ALDH2: variants seen among roughly 807,000 people sequenced by gnomAD.
The protein encoded by ALDH2 is aldehyde dehydrogenase 2 family member, also known as aldehyde dehydrogenase, mitochondrial.
In ALDH2, 44 loss-of-function variants were observed where a neutral mutation model predicts 59.6. The observed-to-expected ratio is 0.74, with a 90% confidence interval of 0.58 to 0.95. The LOEUF (loss-of-function observed/expected upper bound fraction) is 0.95, where lower values mean the gene tolerates loss of function less well. ALDH2 is among the 40% of genes least tolerant of loss of function. The pLI is 0.00. For missense variants in ALDH2, 570 were observed against 696.3 expected (o/e 0.82, Z 2.04); for synonymous variants, 291 against 284.0 (o/e 1.02, Z -0.25).
rs202215192 is a variant in ALDH2, at chr12:111,790,606, A to T, written c.681+44A>T. On this transcript the variant is annotated intron_variant, in intron 6 of 12. Transcript: ENST00000261733. ...TCTTAACCTCTAAATGCCCTTGTTGAGGCTTGTTCTAAAGGAGTTCTGAGA... is the reference window on the plus strand; with the variant it reads ...TCTTAACCTCTAAATGCCCTTGTTGTGGCTTGTTCTAAAGGAGTTCTGAGA... 2.0e-5 allele frequency: 32 copies of T among 1,613,556 alleles called. No homozygotes were observed. In the South Asian group the frequency reaches 3.3e-4, roughly 17 times the overall value.
intron 1 of ALDH2, among the ~76,000 whole-genome samples, chr12:111,781,399 G>A (rs1048350081): frequency 6.6e-6 from 1 of 152,202 alleles, no homozygotes; most frequent in Admixed American, 6.5e-5. Flanking sequence ...CAGCTGCCAT[G>A]TGGGAAGTCG....
rs1365317428 is a variant in ALDH2, at chr12:111,790,537, T to C, written c.656T>C (p.Leu219Pro). The stretch of plus-strand genomic sequence containing the variant: ...GCTGAGCAGACACCCCTCACCGCCC[T>C]CTATGTGGCCAACCTGATCAAGGAG... ...KVAEQTPLTA[L>P]YVANLIKEAG... The change falls in exon 6 of 13, where the codon CTC becomes CCC. Residue 219 changes from leucine (L) to proline (P), a missense_variant. Transcript: ENST00000261733. 6.2e-7 allele frequency: 1 copy of C among 1,614,148 alleles called. No individual in the cohort carries two copies. Among genetic ancestry groups the C allele is most frequent in the Admixed American group, 1.7e-5 (1 of 60,010 alleles).
chr12:111,804,338 T>A lies in ALDH2; in HGVS notation c.1521+365T>A, dbSNP rs545021129. On this transcript the variant is annotated intron_variant, in intron 12 of 12. Transcript: ENST00000261733. ...CCCCCATCAGGCCTATGCGGTCATT[T>A]GCTGGGCTTCGTTATACGCCAAGGC... Among the ~76,000 whole-genome samples the A allele has an allele frequency of 8.4e-4, 128 of 152,338 alleles. 1 individual carries two copies. Among genetic ancestry groups the A allele is most frequent in the African/African-American group, 2.7e-3 (113 of 41,580 alleles).
chr12:111,791,980 G>T, intron 7 of ALDH2, 81 bp from the exon 8 acceptor site: 1 of 844,874 alleles, frequency 1.2e-6, no homozygotes, highest in East Asian at 2.4e-5. Context: ...AAGCTGTGGG[G>T]GACTCTGTTC....
intron 1 of ALDH2, among the ~76,000 whole-genome samples, chr12:111,770,687 C>G (rs1013430667): frequency 6.6e-6 from 1 of 152,050 alleles, no homozygotes; most frequent in African/African-American, 2.4e-5. Flanking sequence ...CTCTGTTGCC[C>G]AGGGTGGAGT....
At chr12:111,780,301 C>T (rs575427890) in intron 1 of ALDH2, among the ~76,000 whole-genome samples, 1 of 152,314 alleles carries the variant, frequency 6.6e-6, no homozygotes, top group East Asian at 1.9e-4. Context: ...GTCTTTCCCC[C>T]AGATGTGGCT....
intron 4 of ALDH2, among the ~76,000 whole-genome samples, chr12:111,787,492 G>C (rs1385578554): frequency 3.9e-5 from 6 of 152,212 alleles, no homozygotes; most frequent in Non-Finnish European, 8.8e-5. Flanking sequence ...GTTCTGGCCA[G>C]CTGTGGCCAA....
intron 1 of ALDH2, among the ~76,000 whole-genome samples, chr12:111,774,271 A>G (rs59370732): frequency 0.016 from 2,371 of 152,284 alleles, 69 homozygotes; most frequent in African/African-American, 0.054. Flanking sequence ...TTGATCCCCA[A>G]CTAACCTGGG....
At position 111,772,674 on chromosome 12, in the gene ALDH2, GT is replaced by G. The variant is rs57462838; in HGVS notation, c.114+5595del. Among the ~76,000 whole-genome samples the G allele has an allele frequency of 1.5e-3, 189 of 124,654 alleles. 1 individual carries two copies. Among genetic ancestry groups the G allele is most frequent in the Admixed American group, 4.0e-3 (46 of 11,410 alleles). The allele number at this position is 124,654 out of a possible 152,430, so 81.8% of individuals were successfully genotyped here. ...CTGCACCTGGCCTCTTTTTTTTTTG[GT>G]TTTTTTTTTTTTTTTTGAGACAGGG... On this transcript the variant is annotated intron_variant, in intron 1 of 12. Transcript: ENST00000261733.
chr12:111,779,424 A>G (rs1348763922), intron 1 of ALDH2, among the ~76,000 whole-genome samples: 2 of 152,060 alleles, frequency 1.3e-5, no homozygotes, highest in African/African-American at 4.8e-5. Context: ...TCCTGAGCTC[A>G]AGCAATTCTC....
intron 12 of ALDH2, 77 bp downstream of exon 12, chr12:111,804,050 G>A (rs1301076853): frequency 2.1e-6 from 2 of 971,528 alleles, no homozygotes; most frequent in Non-Finnish European, 3.0e-6. Context: ...CCTGCTGGGG[G>A]ATTGGGGTCT....
intron 1 of ALDH2, among the ~76,000 whole-genome samples, chr12:111,778,207 CA>C (rs2068247223): frequency 6.6e-6 from 1 of 152,112 alleles, no homozygotes; most frequent in African/African-American, 2.4e-5. Context: ...AACAAAGACA[CA>C]GGGGTGAGGT....
rs527740523 is a variant in ALDH2 at position 111,811,465 on chromosome 12, T to TC, written c.*1891dup. ...TGATTTGAGTCTTGACAATGTATTT[T>TC]CTTTTTTTTTTTCTTCTTTTTTTTT... is the stretch of plus-strand genomic sequence containing the variant. On this transcript the variant is annotated 3_prime_UTR_variant, in exon 13 of 13. Coordinates refer to ENST00000261733, the MANE Select transcript of ALDH2 (RefSeq NM_000690.4). 2.0e-5 allele frequency: 3 copies of TC among 151,574 alleles called. No homozygotes were observed. The highest frequency in any genetic ancestry group is 7.3e-5 in the African/African-American group (3 of 41,040). 9.4% of individuals were successfully genotyped at this position (151,574 alleles called of 1,614,324 possible).
chr12:111,798,037 G>A, intron 9 of ALDH2, 41 bp from the exon 10 acceptor site: 1 of 1,613,264 alleles, frequency 6.2e-7, no homozygotes, highest in South Asian at 1.1e-5. Context: ...GGAGAGGTCT[G>A]AATCCGATGT....
intron 12 of ALDH2, among the ~76,000 whole-genome samples, chr12:111,806,025 A>C (rs11066026): frequency 0.069 from 10,311 of 149,008 alleles, 1,396 homozygotes; most frequent in East Asian, 0.61. Context: ...CAAAAAAAAA[A>C]AAAACAGGCC....
chr12:111,791,281 A>G (rs756375309), intron 6 of ALDH2, 25 bp from the exon 7 acceptor site: 9 of 1,576,806 alleles, frequency 5.7e-6, no homozygotes, highest in South Asian at 2.2e-5. Context: ...GTGACTCCCA[A>G]TGTCCCCTGG....
intron 3 of ALDH2, 81 bp downstream of exon 3, chr12:111,783,379 C>T: frequency 1.3e-6 from 2 of 1,501,086 alleles, no homozygotes; most frequent in Non-Finnish European, 9.0e-7. Flanking sequence ...AGGAACCAAG[C>T]ATCCTGTGAA....
intron 4 of ALDH2, among the ~76,000 whole-genome samples, chr12:111,788,933 A>G (rs956090188): frequency 6.6e-6 from 1 of 151,636 alleles, no homozygotes; most frequent in Non-Finnish European, 1.5e-5. Flanking sequence ...TGAGCCCAGG[A>G]GGTCAAGGCT....
chr12:111,807,187 C>T (rs537387970), intron 12 of ALDH2, among the ~76,000 whole-genome samples: 4 of 151,910 alleles, frequency 2.6e-5, no homozygotes, highest in Non-Finnish European at 4.4e-5. Context: ...GGTGTGAACT[C>T]GGGAGGCGGA....
Sources: allele counts gnomAD v4.1 joint callset (sites outside exome capture counted in the v4.1 genomes callset), GRCh38; gene constraint gnomAD v4.1.1; transcripts MANE v1.5; gene names NCBI Gene and HGNC (gene_info 2026-07-23, HGNC 2026-07-21).